Variants in CHAC2 observed in about 807,000 individuals in gnomAD.
CHAC2 encodes the protein ChaC glutathione specific gamma-glutamylcyclotransferase 2.
Under a neutral mutation model 16.9 loss-of-function variants are expected in CHAC2, and 20 were observed. The ratio of observed to expected loss-of-function variants is 1.18; its 90% confidence interval spans 0.83 to 1.72. CHAC2 has a LOEUF of 1.72. CHAC2 is among the 40% of genes most tolerant of loss of function. CHAC2 has a pLI of 0.00. For synonymous variants in CHAC2, 91 were observed against 77.3 expected (o/e 1.18, Z -0.93); for missense variants, 269 against 222.2 (o/e 1.21, Z -1.34).
rs201307163 is a variant in CHAC2, at chr2:53,773,418, CTG to C, written c.172-722_172-721del. 9.2e-3 allele frequency among the ~76,000 whole-genome samples: 1,401 copies of C among 151,586 alleles called. 23 individuals are homozygous for C. The highest frequency in any genetic ancestry group is 0.032 in the African/African-American group (1,328 of 41,062). Reference sequence around the variant, plus strand: ...TCTGTGCACTTTAAGTGAAGAAAAACTGTATTGACTTTTATTTATTTTTTATT... The same window carrying C: ...TCTGTGCACTTTAAGTGAAGAAAAACTATTGACTTTTATTTATTTTTTATT... On this transcript the variant is annotated intron_variant, in intron 2 of 2. Transcript: ENST00000295304.
In CHAC2 at chr2:53,774,270, A is replaced by T. The variant is rs1044034229; in HGVS notation, c.300A>T (p.Thr100=). 19 of 1,614,060 alleles carry T rather than the reference A, an allele frequency of 1.2e-5. No homozygotes were observed. The highest frequency in any genetic ancestry group is 1.5e-5 in the Non-Finnish European group (18 of 1,180,042). Residue 100 remains threonine, a synonymous_variant, in exon 3 of 3, where the codon ACA becomes ACT. Transcript: ENST00000295304. ...TTVIFYPKDP[T]TKPFSVLLYI... is the part of the protein sequence containing the mutation. ...TCATTTTTTATCCAAAAGATCCCAC[A>T]ACAAAACCATTCAGTGTATTGCTAT...
At chr2:53,772,497 T>C (rs1165967139) in intron 2 of CHAC2, among the ~76,000 whole-genome samples, 1 of 151,902 alleles carries the variant, frequency 6.6e-6, no homozygotes, top group Admixed American at 6.6e-5. Flanking sequence ...AAAAACAAGT[T>C]TATTAACTAA....
intron 1 of CHAC2, among the ~76,000 whole-genome samples, chr2:53,769,618 G>A (rs972319179): frequency 6.6e-6 from 1 of 152,200 alleles, no homozygotes; most frequent in Non-Finnish European, 1.5e-5. Context: ...AGGCCTAGGC[G>A]GGTGGATCAC....
At position 53,774,313 on chromosome 2, in the gene CHAC2, A is replaced by T; in HGVS notation, c.343A>T (p.Asn115Tyr). Residue 115 changes from asparagine (N) to tyrosine (Y), a missense_variant, in exon 3 of 3, where the codon AAT becomes TAT. By Grantham distance (143) the Asn-to-Tyr change is moderately radical. Transcript: ENST00000295304. The stretch of plus-strand genomic sequence containing the variant: ...ATTGCTATATATTGGAACATGTGAT[A>T]ATCCTGATTATCTTGGTCCTGCACC... ...SVLLYIGTCD[N>Y]PDYLGPAPLE... is the part of the protein sequence containing the mutation. 1 of 1,613,838 alleles carries T rather than the reference A, an allele frequency of 6.2e-7. No individual in the cohort carries two copies. Among genetic ancestry groups the T allele is most frequent in the East Asian group, 2.2e-5 (1 of 44,868 alleles).
Position 53,775,109 on chromosome 2 carries a change from A to T in CHAC2, c.*584A>T, listed in dbSNP as rs922996956. 1.3e-5 allele frequency: 2 copies of T among 152,600 alleles called. No individual in the cohort carries two copies. Among genetic ancestry groups the T allele is most frequent in the African/African-American group, 4.8e-5 (2 of 41,452 alleles). The allele number at this position is 152,600 out of a possible 1,614,324, so 9.5% of individuals were successfully genotyped here. ...TTTCCTTGGAATTATAATGTACTGTACCTCTTCTTTTTTAAATAAAGGCAT... is the reference window on the plus strand; with the variant it reads ...TTTCCTTGGAATTATAATGTACTGTTCCTCTTCTTTTTTAAATAAAGGCAT... On this transcript the variant is annotated 3_prime_UTR_variant, in exon 3 of 3. Transcript: ENST00000295304.
intron 1 of CHAC2, among the ~76,000 whole-genome samples, chr2:53,768,973 C>T (rs1218642901): frequency 6.6e-6 from 1 of 152,138 alleles, no homozygotes; most frequent in Non-Finnish European, 1.5e-5. Context: ...ATTAAAATCA[C>T]GAAAAGAACC....
Position 53,768,026 on chromosome 2 carries a change from GGCGCCGGTCA to G in CHAC2, c.135+8_135+17del. On this transcript the variant is annotated splice_donor_region_variant and intron_variant, in intron 1 of 2. Transcript: ENST00000295304. ...CACCGCGGGGTCCCCGGCAAGGTGA[GGCGCCGGTCA>G]GCTCCCCACACTTACTGCCCCCTGA... 6.2e-7 allele frequency: 1 copy of G among 1,612,912 alleles called. No individual in the cohort carries two copies. The highest frequency in any genetic ancestry group is 8.5e-7 in the Non-Finnish European group (1 of 1,179,944).
At position 53,771,941 on chromosome 2, in the gene CHAC2, C is replaced by G. The variant is rs768976504; in HGVS notation, c.170C>G (p.Ala57Gly). ...GTTGTGACTCTTGTTGAAGATCCTG[C>G]GGTATGGTATAAATATTCTTTTTTG... ...GRVVTLVEDPAGCVWGVAYRL... is the reference protein window; with the variant it reads ...GRVVTLVEDPGGCVWGVAYRL... Residue 57 changes from alanine (A) to glycine (G), a missense_variant and splice_region_variant, in exon 2 of 3, where the codon GCG (alanine) becomes GGG (glycine). By Grantham distance (60) the Ala-to-Gly change is moderately conservative (BLOSUM62 0). Transcript: ENST00000295304. 6.5e-7 allele frequency: 1 copy of G among 1,532,080 alleles called. No individual in the cohort carries two copies. The highest frequency in any genetic ancestry group is 1.2e-5 in the South Asian group (1 of 80,542). The allele number at this position is 1,532,080 out of a possible 1,614,324, so 94.9% of individuals were successfully genotyped here.
chr2:53,772,307 T>C (rs1673988672), intron 2 of CHAC2, among the ~76,000 whole-genome samples: 1 of 152,096 alleles, frequency 6.6e-6, no homozygotes, highest in Non-Finnish European at 1.5e-5. Context: ...CCCAAGTAGC[T>C]GGGACTACAG....
chr2:53,767,985 G>C lies in CHAC2; in HGVS notation c.99G>C (p.Trp33Cys). The C allele has an allele frequency of 6.2e-7, 1 of 1,611,494 alleles. No individual in the cohort carries two copies. Among genetic ancestry groups the C allele is most frequent in the Non-Finnish European group, 8.5e-7 (1 of 1,177,690 alleles). Reference protein sequence around the residue: ...GYITNYSRRFWQGSTDHRGVP... With the variant: ...GYITNYSRRFCQGSTDHRGVP... Reference sequence around the variant, plus strand: ...TCACCAACTACAGCAGGCGCTTCTGGCAGGGCAGCACGGACCACCGCGGGG... The same window carrying C: ...TCACCAACTACAGCAGGCGCTTCTGCCAGGGCAGCACGGACCACCGCGGGG... The change falls in exon 1 of 3, where the codon TGG (tryptophan) becomes TGC (cysteine). Residue 33 changes from tryptophan (W) to cysteine (C), a missense_variant. Physicochemically the swap from Trp to Cys is radical, Grantham distance 215. Transcript: ENST00000295304.
intron 1 of CHAC2, among the ~76,000 whole-genome samples, chr2:53,771,494 G>T (rs1217604559): frequency 6.6e-6 from 1 of 151,984 alleles, no homozygotes; most frequent in Non-Finnish European, 1.5e-5. Flanking sequence ...GCCTGGGCTT[G>T]TTGAGCAAAA....
chr2:53,774,010 G>A, intron 2 of CHAC2, 132 bp from the exon 3 acceptor site: 1 of 1,015,494 alleles, frequency 9.8e-7, no homozygotes, highest in East Asian at 2.6e-5. Context: ...ACCACAGCCT[G>A]GGCAACAGAC....
At chr2:53,773,017 A>T (rs1674052656) in intron 2 of CHAC2, among the ~76,000 whole-genome samples, 1 of 152,192 alleles carries the variant, frequency 6.6e-6, no homozygotes, top group African/African-American at 2.4e-5. Flanking sequence ...ATATTGTGAA[A>T]TTAAATGTTT....
intron 2 of CHAC2, among the ~76,000 whole-genome samples, chr2:53,772,947 A>G (rs1339976590): frequency 6.6e-6 from 1 of 152,170 alleles, no homozygotes. Flanking sequence ...TATTTAACCA[A>G]CAATCCTCAG....
chr2:53,774,666 A>G lies in CHAC2; in HGVS notation c.*141A>G, dbSNP rs1448537804. On this transcript the variant is annotated 3_prime_UTR_variant, in exon 3 of 3. Transcript: ENST00000295304. ...TGGAAATGTCCTGAAACACATATTT[A>G]AAATATTGGGATACAGTGAAAGAAA... 1 of 617,776 alleles carries G rather than the reference A, an allele frequency of 1.6e-6. No homozygotes were observed. Among genetic ancestry groups the G allele is most frequent in the Non-Finnish European group, 2.5e-6 (1 of 394,388 alleles). The allele number at this position is 617,776 out of a possible 1,614,324, so 38.3% of individuals were successfully genotyped here.
At chr2:53,773,889 G>C (rs573009495) in intron 2 of CHAC2, among the ~76,000 whole-genome samples, 19 of 152,120 alleles carry the variant, frequency 1.2e-4, no homozygotes, top group African/African-American at 4.1e-4. Context: ...ACAAAAATTA[G>C]CTGGGCATGG....
chr2:53,772,332 G>A (rs1162222382), intron 2 of CHAC2, among the ~76,000 whole-genome samples: 3 of 152,022 alleles, frequency 2.0e-5, no homozygotes, highest in Non-Finnish European at 4.4e-5. Context: ...CCGCCACCAT[G>A]TCTGGCTAAT....
chr2:53,770,833 A>G (rs1007048670), intron 1 of CHAC2, among the ~76,000 whole-genome samples: 1 of 152,252 alleles, frequency 6.6e-6, no homozygotes, highest in Non-Finnish European at 1.5e-5. Flanking sequence ...CAGTTCTAAT[A>G]CTGACCTTTA....
Position 53,767,816 on chromosome 2 carries a change from G to T in CHAC2, c.-71G>T. On this transcript the variant is annotated 5_prime_UTR_variant, in exon 1 of 3. Transcript: ENST00000295304. ...CGCGCGGCCGGTTACTCGCTTACCGGAGGCTTCAGTCCCCGGCGGCGCGGC... is the reference window on the plus strand; with the variant it reads ...CGCGCGGCCGGTTACTCGCTTACCGTAGGCTTCAGTCCCCGGCGGCGCGGC... The T allele has an allele frequency of 3.3e-6, 5 of 1,533,630 alleles. No homozygotes were observed. Among genetic ancestry groups the T allele is most frequent in the Non-Finnish European group, 4.4e-6 (5 of 1,133,974 alleles).
Sources: allele counts gnomAD v4.1 joint callset (sites outside exome capture counted in the v4.1 genomes callset), GRCh38; gene constraint gnomAD v4.1.1; transcripts MANE v1.5; gene names NCBI Gene and HGNC (gene_info 2026-07-23, HGNC 2026-07-21).